The following WDR70 variants were observed in gnomAD, a reference collection of about 807,000 sequenced individuals.
The protein encoded by WDR70 is WD repeat domain 70, also known as WD repeat-containing protein 70.
In WDR70, 53 loss-of-function variants were observed where a neutral mutation model predicts 88.6. That is an observed-to-expected ratio of 0.60 (90% CI 0.48 to 0.75). WDR70 has a LOEUF of 0.75. WDR70 is among the 30% of genes least tolerant of loss of function. The pLI is 0.00. For synonymous variants in WDR70, 280 were observed against 270.0 expected, an observed-to-expected ratio of 1.04 and a Z score of -0.36; for missense variants, 610 against 823.2, an observed-to-expected ratio of 0.74 and a Z score of 3.17.
intron 8 of WDR70, among the ~76,000 whole-genome samples, chr5:37,484,110 A>G (rs1418079237): frequency 2.7e-5 from 4 of 150,530 alleles, no homozygotes; most frequent in African/African-American, 9.8e-5. Context: ...ATCCCAGACG[A>G]TGGGCGGCCA....
intron 5 of WDR70, among the ~76,000 whole-genome samples, chr5:37,413,361 TGAA>T (rs1213378210): frequency 6.6e-6 from 1 of 152,208 alleles, no homozygotes; most frequent in Non-Finnish European, 1.5e-5. Flanking sequence ...TTTTTTTCTC[TGAA>T]GAAGAATGCA....
At chr5:37,640,007 A>G (rs1745063513) in intron 10 of WDR70, among the ~76,000 whole-genome samples, 1 of 152,142 alleles carries the variant, frequency 6.6e-6, no homozygotes, top group East Asian at 1.9e-4. Flanking sequence ...TAACTTGCCT[A>G]TTTTACAACT....
At chr5:37,533,396 A>G (rs1741558013) in intron 9 of WDR70, among the ~76,000 whole-genome samples, 2 of 152,090 alleles carry the variant, frequency 1.3e-5, no homozygotes, top group South Asian at 2.1e-4. Context: ...GTTCGACACT[A>G]TCCTGACCAA....
rs140383817 is a variant in WDR70, at chr5:37,528,907, G to GTTTTT, written c.917+12317_917+12318insTTTTT. 9.9e-5 allele frequency among the ~76,000 whole-genome samples: 13 copies of GTTTTT among 130,692 alleles called. 2 individuals are homozygous for GTTTTT. Among genetic ancestry groups the GTTTTT allele is most frequent in the Admixed American group, 2.3e-4 (3 of 13,304 alleles). 85.7% of individuals were successfully genotyped at this position (130,692 alleles called of 152,430 possible). ...TTTGCCTAAGCCAATGTCTAGAGGG[G>GTTTTT]GTTTTTTTTTTTTTTTGATGTTATC... On this transcript the variant is annotated intron_variant, in intron 9 of 17. Coordinates refer to ENST00000265107, the MANE Select transcript of WDR70 (RefSeq NM_018034.4).
chr5:37,692,564 C>T lies in WDR70; in HGVS notation c.1093-5091C>T, dbSNP rs142812469. On this transcript the variant is annotated intron_variant, in intron 10 of 17. Transcript: ENST00000265107. ...TGGGATGCAAGGATAGTTTAACATACGTAAATCAATAAATGTAATCCCTCA... is the reference window on the plus strand; with the variant it reads ...TGGGATGCAAGGATAGTTTAACATATGTAAATCAATAAATGTAATCCCTCA... 7.6e-3 allele frequency among the ~76,000 whole-genome samples: 1,153 copies of T among 152,210 alleles called. 18 individuals are homozygous for T. The highest frequency in any genetic ancestry group is 0.026 in the African/African-American group (1,080 of 41,536).
intron 10 of WDR70, among the ~76,000 whole-genome samples, chr5:37,665,163 A>G (rs1000877663): frequency 1.3e-5 from 2 of 152,212 alleles, no homozygotes; most frequent in African/African-American, 4.8e-5. Flanking sequence ...TATAGCTGCC[A>G]GAGGACTTCA....
chr5:37,543,617 A>T (rs757725611), intron 9 of WDR70, among the ~76,000 whole-genome samples: 7 of 152,116 alleles, frequency 4.6e-5, no homozygotes, highest in Non-Finnish European at 7.4e-5. Context: ...TGTAGCTTTG[A>T]ATCTTTTCAA....
intron 10 of WDR70, among the ~76,000 whole-genome samples, chr5:37,683,611 G>A (rs544603039): frequency 6.6e-6 from 1 of 152,228 alleles, no homozygotes; most frequent in South Asian, 2.1e-4. Flanking sequence ...GCCTAGTTTG[G>A]CTGGATATGA....
At chr5:37,569,690 G>A (rs1002679095) in intron 9 of WDR70, among the ~76,000 whole-genome samples, 1 of 152,128 alleles carries the variant, frequency 6.6e-6, no homozygotes, top group Non-Finnish European at 1.5e-5. Context: ...CTTGCCTAGG[G>A]CTTTTGTGAG....
intron 9 of WDR70, among the ~76,000 whole-genome samples, chr5:37,581,024 G>A (rs1219843704): frequency 6.6e-6 from 1 of 152,178 alleles, no homozygotes; most frequent in African/African-American, 2.4e-5. Context: ...GAGAAGTTAG[G>A]TTATAGATTC....
chr5:37,525,184 C>T (rs1311233692), intron 9 of WDR70, among the ~76,000 whole-genome samples: 1 of 152,194 alleles, frequency 6.6e-6, no homozygotes, highest in Non-Finnish European at 1.5e-5. Flanking sequence ...ACATTCTTCT[C>T]AGCACCACAT....
chr5:37,450,558 A>G lies in WDR70; in HGVS notation c.686+7186A>G, dbSNP rs572032487. 2.1e-4 allele frequency among the ~76,000 whole-genome samples: 32 copies of G among 152,288 alleles called. No individual in the cohort carries two copies. In the South Asian group the frequency reaches 3.3e-3, roughly 16 times the overall value. On this transcript the variant is annotated intron_variant, in intron 7 of 17. Coordinates refer to ENST00000265107, the MANE Select transcript of WDR70 (RefSeq NM_018034.4). ...TATCATCACTTTCCAATGGTGAGAA[A>G]CCTAGCTTCCACTATCCATTTACTT...
chr5:37,478,398 G>A (rs76139680), intron 7 of WDR70, among the ~76,000 whole-genome samples: 2,741 of 152,310 alleles, frequency 0.018, 30 homozygotes, highest in Middle Eastern at 0.065. Flanking sequence ...GTTTGTGGTT[G>A]ATACAGCATC....
At chr5:37,443,475 A>G in intron 7 of WDR70, 103 bp downstream of exon 7, 1 of 1,322,334 alleles carries the variant, frequency 7.6e-7, no homozygotes, top group Non-Finnish European at 1.1e-6. Flanking sequence ...ATTTGTATCA[A>G]AATACATTAC....
intron 7 of WDR70, 83 bp downstream of exon 7, chr5:37,443,455 A>G (rs1201248410): frequency 1.4e-6 from 2 of 1,469,536 alleles, no homozygotes; most frequent in Non-Finnish European, 1.9e-6. Flanking sequence ...TTGGAATCCC[A>G]TCTACAATGA....
chr5:37,686,190 G>C (rs945212612), intron 10 of WDR70, among the ~76,000 whole-genome samples: 2 of 151,932 alleles, frequency 1.3e-5, no homozygotes, highest in African/African-American at 2.4e-5. Context: ...GGTGGCTTGT[G>C]TTGTAGTCAC....
At chr5:37,668,818 A>G (rs182417846) in intron 10 of WDR70, among the ~76,000 whole-genome samples, 3 of 152,256 alleles carry the variant, frequency 2.0e-5, no homozygotes, top group Non-Finnish European at 4.4e-5. Flanking sequence ...TAGGCCAGTT[A>G]TGAATGAAGG....
At chr5:37,733,017 T>C (rs1035470160) in intron 17 of WDR70, among the ~76,000 whole-genome samples, 7 of 152,118 alleles carry the variant, frequency 4.6e-5, no homozygotes, top group East Asian at 1.9e-4. Flanking sequence ...GAAATTGTTA[T>C]ATTAATTACT....
chr5:37,471,976 A>G (rs2112135044), intron 7 of WDR70, among the ~76,000 whole-genome samples: 1 of 151,720 alleles, frequency 6.6e-6, no homozygotes, highest in South Asian at 2.1e-4. Flanking sequence ...CTTGCTCCTA[A>G]TGTCAGAGGG....
Sources: gnomAD v4.1 joint callset for allele counts (sites outside exome capture counted in the v4.1 genomes callset) on GRCh38, gnomAD v4.1.1 for gene constraint, MANE v1.5 for transcripts, NCBI Gene and HGNC (gene_info 2026-07-23, HGNC 2026-07-21) for gene names.